Variants in ALOX5AP observed in about 807,000 individuals in gnomAD.
ALOX5AP encodes arachidonate 5-lipoxygenase-activating protein.
In ALOX5AP, 9 loss-of-function variants were observed where a neutral mutation model predicts 18.5. The ratio of observed to expected loss-of-function variants is 0.49; its 90% CI spans 0.29 to 0.85. The LOEUF (loss-of-function observed/expected upper bound fraction) is 0.85, where lower values mean the gene tolerates loss of function less well. Among genes scored for constraint, ALOX5AP ranks in the 40% least tolerant of loss-of-function variants. The pLI, the probability that ALOX5AP is intolerant of heterozygous loss-of-function variation, is 0.08. For missense variants in ALOX5AP, 172 were observed against 202.5 expected (o/e 0.85, Z 0.91); for synonymous variants, 81 against 78.6 (o/e 1.03, Z -0.16).
intron 4 of ALOX5AP, among the ~76,000 whole-genome samples, chr13:30,759,103 G>C (rs747181256): frequency 6.6e-6 from 1 of 152,154 alleles, no homozygotes; most frequent in African/African-American, 2.4e-5. Flanking sequence ...ATAGGCATAA[G>C]CCACCCATGA....
intron 1 of ALOX5AP, among the ~76,000 whole-genome samples, chr13:30,728,749 G>A (rs1951657493): frequency 6.6e-6 from 1 of 152,206 alleles, no homozygotes; most frequent in South Asian, 2.1e-4. Flanking sequence ...TCAGGAGGCT[G>A]AGGTGGGAGA....
intron 3 of ALOX5AP, among the ~76,000 whole-genome samples, chr13:30,755,725 C>T (rs889452061): frequency 3.3e-5 from 5 of 152,198 alleles, no homozygotes; most frequent in African/African-American, 9.6e-5. Context: ...CCGCAGGCTC[C>T]GGGTTGGACA....
intron 2 of ALOX5AP, among the ~76,000 whole-genome samples, chr13:30,747,745 G>T (rs1044992888): frequency 1.3e-5 from 2 of 152,086 alleles, no homozygotes; most frequent in African/African-American, 2.4e-5. Flanking sequence ...ACGTTTAAGG[G>T]TATTCTGATT....
intron 1 of ALOX5AP, among the ~76,000 whole-genome samples, chr13:30,738,558 C>T (rs549537041): frequency 9.8e-5 from 15 of 152,310 alleles, no homozygotes; most frequent in South Asian, 2.1e-4. Flanking sequence ...ATTACACAGA[C>T]GCATTTCTTA....
intron 2 of ALOX5AP, among the ~76,000 whole-genome samples, chr13:30,744,587 G>A (rs1951794348): frequency 6.6e-6 from 1 of 152,170 alleles, no homozygotes; most frequent in Admixed American, 6.5e-5. Flanking sequence ...CCTGCGGGTG[G>A]AAGTCTGGAG....
upstream of ALOX5AP, among the ~76,000 whole-genome samples, chr13:30,731,384 T>TC (rs1373881197): frequency 1.3e-5 from 2 of 151,846 alleles, no homozygotes; most frequent in African/African-American, 4.8e-5. Context: ...CATTTTTTTT[T>TC]TTTTTTTAAG....
chr13:30,742,076 G>A (rs1481206741), intron 1 of ALOX5AP, among the ~76,000 whole-genome samples: 1 of 152,108 alleles, frequency 6.6e-6, no homozygotes, highest in Non-Finnish European at 1.5e-5. Flanking sequence ...CCAGCACTTT[G>A]GGAGGCTGAG....
At chr13:30,718,482 TG>T in intron 1 of ALOX5AP, among the ~76,000 whole-genome samples, 1 of 151,196 alleles carries the variant, frequency 6.6e-6, no homozygotes, top group East Asian at 2.0e-4. Context: ...GACCCACCCT[TG>T]CCCCCTTCCT....
At chr13:30,744,900 C>T (rs557650000) in intron 2 of ALOX5AP, among the ~76,000 whole-genome samples, 4 of 152,200 alleles carry the variant, frequency 2.6e-5, no homozygotes, top group African/African-American at 7.2e-5. Flanking sequence ...AGGAAGGCCT[C>T]ATGCTAGAGA....
intron 1 of ALOX5AP, among the ~76,000 whole-genome samples, chr13:30,728,732 C>A (rs1265612711): frequency 1.3e-5 from 2 of 152,120 alleles, no homozygotes; most frequent in African/African-American, 2.4e-5. Flanking sequence ...TCTGTAGTCC[C>A]AGCTACTCAG....
intron 1 of ALOX5AP, among the ~76,000 whole-genome samples, chr13:30,737,827 G>A (rs768943983): frequency 2.0e-4 from 31 of 152,184 alleles, no homozygotes; most frequent in South Asian, 6.2e-4. Context: ...AGAGCCCCTC[G>A]TATAGCTCTC....
intron 2 of ALOX5AP, among the ~76,000 whole-genome samples, chr13:30,746,534 CAGGCAGCTACATGCTGGCAAAAGCCAG>C (rs1357678017): frequency 3.4e-5 from 5 of 147,336 alleles, no homozygotes; most frequent in African/African-American, 1.2e-4. Flanking sequence ...ATCAATGCAG[CAGGCAGCTACATGCTGGCAAAAGCCAG>C]AGGCAGCTGG....
At chr13:30,730,285 A>G (rs1951670985) in intron 1 of ALOX5AP, among the ~76,000 whole-genome samples, 1 of 152,206 alleles carries the variant, frequency 6.6e-6, no homozygotes, top group Non-Finnish European at 1.5e-5. Context: ...CTAGCTGTTC[A>G]TGGAAGGAAA....
intron 4 of ALOX5AP, among the ~76,000 whole-genome samples, chr13:30,759,776 C>G (rs962910619): frequency 7.2e-5 from 11 of 152,158 alleles, no homozygotes; most frequent in African/African-American, 2.7e-4. Flanking sequence ...GATATCAAGG[C>G]TGCTGTTTCT....
At chr13:30,754,726 C>G (rs1037925388) in intron 3 of ALOX5AP, among the ~76,000 whole-genome samples, 1 of 152,210 alleles carries the variant, frequency 6.6e-6, no homozygotes, top group South Asian at 2.1e-4. Flanking sequence ...ATTCATTTGA[C>G]AAATATTATT....
intron 1 of ALOX5AP, among the ~76,000 whole-genome samples, chr13:30,714,519 TG>T (rs1951534301): frequency 6.8e-6 from 1 of 148,050 alleles, no homozygotes; most frequent in Non-Finnish European, 1.5e-5. Context: ...CTGTTCTCCC[TG>T]CATTCCTCTG....
chr13:30,716,325 TA>T (rs1436510084), intron 1 of ALOX5AP, among the ~76,000 whole-genome samples: 2 of 152,156 alleles, frequency 1.3e-5, no homozygotes, highest in Non-Finnish European at 2.9e-5. Context: ...TGAGGATAAT[TA>T]AAAACTCCCA....
Position 30,764,358 on chromosome 13 carries a change from C to A in ALOX5AP, c.*252C>A. The A allele has an allele frequency of 2.4e-6, 1 of 411,042 alleles. No homozygotes were observed. The highest frequency in any genetic ancestry group is 4.3e-6 in the Non-Finnish European group (1 of 232,274). The allele number at this position is 411,042 out of a possible 1,614,324, so 25.5% of individuals were successfully genotyped here. On this transcript the variant is annotated 3_prime_UTR_variant, in exon 5 of 5. Transcript: ENST00000380490. The stretch of plus-strand genomic sequence containing the variant: ...TGTTTGTTTCTTCACTTATCCTGTT[C>A]TCTGAAGATGTTTTGTGACCAGGTT...
At chr13:30,751,677 C>T (rs1951852749) in intron 2 of ALOX5AP, among the ~76,000 whole-genome samples, 1 of 152,190 alleles carries the variant, frequency 6.6e-6, no homozygotes, top group Non-Finnish European at 1.5e-5. Flanking sequence ...GGGCTCTTCT[C>T]CCCGACCACC....
Sources: allele counts gnomAD v4.1 joint callset (sites outside exome capture counted in the v4.1 genomes callset), GRCh38; gene constraint gnomAD v4.1.1; transcripts MANE v1.5; gene names NCBI Gene and HGNC (gene_info 2026-07-23, HGNC 2026-07-21).